FIBCD1: variants seen among roughly 807,000 people sequenced by gnomAD.
FIBCD1 encodes the protein fibrinogen C domain containing 1.
In FIBCD1, 47 loss-of-function variants were observed where a neutral mutation model predicts 45.1. That is an observed-to-expected ratio of 1.04 (90% CI 0.82 to 1.33). The LOEUF is 1.33. Among genes scored for constraint, FIBCD1 ranks in the 40% most tolerant of loss-of-function variants. The probability of loss-of-function intolerance (pLI) is 0.00; values close to 1 mark genes in which losing one functional copy is unlikely to be tolerated. For missense variants in FIBCD1, 653 were observed against 682.2 expected, an observed-to-expected ratio of 0.96 and a Z score of 0.48; for synonymous variants, 313 against 308.1, an observed-to-expected ratio of 1.02 and a Z score of -0.17.
At chr9:130,920,714 C>T (rs1344759198) in intron 4 of FIBCD1, among the ~76,000 whole-genome samples, 1 of 152,122 alleles carries the variant, frequency 6.6e-6, no homozygotes, top group South Asian at 2.1e-4. Context: ...GCCAGTAGCA[C>T]CAAGCCACCG....
intron 1 of FIBCD1, among the ~76,000 whole-genome samples, chr9:130,935,538 A>G (rs1307469033): frequency 1.3e-5 from 2 of 152,194 alleles, no homozygotes; most frequent in Non-Finnish European, 2.9e-5. Context: ...GCTGGGACAG[A>G]TGGGGCCCAA....
At chr9:130,923,067 T>C (rs10117902) in intron 4 of FIBCD1, among the ~76,000 whole-genome samples, 7,687 of 152,218 alleles carry the variant, frequency 0.05, 228 homozygotes, top group Middle Eastern at 0.078. Flanking sequence ...CAGTATACAG[T>C]AGGTGCTCAA....
intron 4 of FIBCD1, among the ~76,000 whole-genome samples, chr9:130,921,132 C>G (rs1481020788): frequency 6.6e-6 from 1 of 152,182 alleles, no homozygotes; most frequent in Admixed American, 6.5e-5. Context: ...TGCACCCTTG[C>G]CCACACAGGT....
chr9:130,920,369 C>T (rs2133098322), intron 4 of FIBCD1, among the ~76,000 whole-genome samples: 1 of 152,282 alleles, frequency 6.6e-6, no homozygotes, highest in Non-Finnish European at 1.5e-5. Context: ...CCCGCTCACT[C>T]CTCACAGATG....
intron 1 of FIBCD1, among the ~76,000 whole-genome samples, chr9:130,933,284 G>C (rs1282441936): frequency 6.6e-6 from 1 of 152,194 alleles, no homozygotes; most frequent in East Asian, 1.9e-4. Context: ...GGGGCTCTGG[G>C]CGCTGAGCAG....
chr9:130,909,773 G>A (rs75871108), intron 5 of FIBCD1, among the ~76,000 whole-genome samples: 5 of 144,070 alleles, frequency 3.5e-5, no homozygotes, highest in Admixed American at 7.0e-5. Flanking sequence ...AAAAAAAAAA[G>A]AAATGTTAAG....
intron 1 of FIBCD1, chr9:130,937,881 G>A (rs73656077): frequency 0.013 from 1,963 of 152,974 alleles, 44 homozygotes; most frequent in African/African-American, 0.044. Flanking sequence ...CAGGAAGGGA[G>A]GAATGAGTCA....
At chr9:130,930,114 G>A (rs1210055290) in intron 1 of FIBCD1, 68 bp from the exon 2 acceptor site, 1 of 1,455,600 alleles carries the variant, frequency 6.9e-7, no homozygotes, top group Admixed American at 2.7e-5. Context: ...CAGCATTAGA[G>A]GCATACCTGG....
chr9:130,908,259 T>C (rs1444847177), intron 5 of FIBCD1, among the ~76,000 whole-genome samples: 2 of 152,222 alleles, frequency 1.3e-5, no homozygotes, highest in Non-Finnish European at 2.9e-5. Flanking sequence ...GAGGAGGGAC[T>C]GGCGCTGTTG....
Position 130,930,031 on chromosome 9 carries a change from A to G in FIBCD1, c.88T>C (p.Tyr30His), listed in dbSNP as rs772638722. 3 of 1,505,788 alleles carry G rather than the reference A, an allele frequency of 2.0e-6. No individual in the cohort carries two copies. Among genetic ancestry groups the G allele is most frequent in the Non-Finnish European group, 2.7e-6 (3 of 1,129,044 alleles). 93.3% of individuals were successfully genotyped at this position (1,505,788 alleles called of 1,614,324 possible). ...GCCAGCAGCACGGTGCACAGCACGT[A>G]GCCGCAGCTCGGCCGCTGCAGGCCC... ...RDKPQRPSCGYVLCTVLLALA... is the reference protein window; with the variant it reads ...RDKPQRPSCGHVLCTVLLALA... The change falls in exon 2 of 7, where the codon TAC (tyrosine) becomes CAC (histidine). Residue 30 changes from tyrosine to histidine, a missense_variant. Physicochemically the swap from Tyr to His is moderately conservative, Grantham distance 83. Transcript: ENST00000372338.
At chr9:130,908,088 C>T (rs1301923143) in intron 5 of FIBCD1, among the ~76,000 whole-genome samples, 1 of 151,938 alleles carries the variant, frequency 6.6e-6, no homozygotes, top group East Asian at 1.9e-4. Flanking sequence ...TAACATGACC[C>T]CACAAAAGAA....
intron 5 of FIBCD1, among the ~76,000 whole-genome samples, chr9:130,910,408 C>A (rs371119880): frequency 1.1e-4 from 16 of 152,356 alleles, no homozygotes; most frequent in East Asian, 7.7e-4. Flanking sequence ...CCTCCCACCC[C>A]CTCCGTGGGC....
rs765524804 is a variant in FIBCD1 at position 130,904,202 on chromosome 9, C to T, written c.1248G>A (p.Thr416=). The stretch of plus-strand genomic sequence containing the variant: ...GCAGGTACTGCCCATTGAGGTTGGA[C>T]GTGTGGCAGTTGCGGTACCACCAGG... The part of the protein sequence containing the change: ...RGAWWYRNCH[T]SNLNGQYLRG... The change falls in exon 7 of 7, where the codon ACG becomes ACA. Residue 416 remains threonine (T), a synonymous_variant. Transcript: ENST00000372338. The T allele has an allele frequency of 1.9e-5, 30 of 1,613,656 alleles. No individual in the cohort carries two copies. The South Asian group carries it at 2.3e-4, about 12-fold the overall frequency.
chr9:130,924,212 G>A (rs773944127), intron 3 of FIBCD1, 25 bp downstream of exon 3: 2 of 1,544,060 alleles, frequency 1.3e-6, no homozygotes, highest in Admixed American at 2.0e-5. Context: ...AGGCACCGGA[G>A]GAAGGCAGGC....
At chr9:130,920,881 G>C (rs1046277225) in intron 4 of FIBCD1, among the ~76,000 whole-genome samples, 1 of 152,238 alleles carries the variant, frequency 6.6e-6, no homozygotes, top group Non-Finnish European at 1.5e-5. Flanking sequence ...CCGCTGAGCT[G>C]TCTCGTCGCT....
intron 1 of FIBCD1, among the ~76,000 whole-genome samples, chr9:130,937,205 C>G (rs1832531576): frequency 6.6e-6 from 1 of 152,076 alleles, no homozygotes; most frequent in South Asian, 2.1e-4. Context: ...CAGATCTCAG[C>G]AGGAGGGGAC....
chr9:130,935,663 A>G (rs548296682), intron 1 of FIBCD1, among the ~76,000 whole-genome samples: 131 of 152,318 alleles, frequency 8.6e-4, no homozygotes, highest in Non-Finnish European at 1.4e-3. Context: ...CAGCCTGGAC[A>G]CTGCAGTCCC....
Position 130,929,670 on chromosome 9 carries a change from C to T in FIBCD1, c.449G>A (p.Arg150Gln), listed in dbSNP as rs536135959. Residue 150 changes from arginine to glutamine, a missense_variant, in exon 2 of 7, where the codon CGA becomes CAA. Coordinates refer to ENST00000372338, the MANE Select transcript of FIBCD1 (RefSeq NM_032843.5). ...LADQLPRLLARASELQTECMG... is the reference protein window; with the variant it reads ...LADQLPRLLAQASELQTECMG... ...GCACTCCGTCTGCAGCTCTGAGGCTCGGGCCAGCAGCCGGGGCAGCTGGTC... is the reference window on the plus strand; with the variant it reads ...GCACTCCGTCTGCAGCTCTGAGGCTTGGGCCAGCAGCCGGGGCAGCTGGTC... The T allele has an allele frequency of 8.1e-6, 13 of 1,602,322 alleles. No homozygotes were observed. In the African/African-American group the frequency reaches 1.5e-4, roughly 18 times the overall value.
chr9:130,903,526 C>T lies in FIBCD1; in HGVS notation c.*538G>A, dbSNP rs988251422. Reference sequence around the variant, plus strand: ...ACCCAGCCCACAGCCAGGCTGAGGCCCTTGGGGGAGAGGTGGGTTCTCTGG... The same window carrying T: ...ACCCAGCCCACAGCCAGGCTGAGGCTCTTGGGGGAGAGGTGGGTTCTCTGG... On this transcript the variant is annotated 3_prime_UTR_variant, in exon 7 of 7. Coordinates refer to ENST00000372338, the MANE Select transcript of FIBCD1 (RefSeq NM_032843.5). 8 of 194,036 alleles carry T rather than the reference C, an allele frequency of 4.1e-5. No individual in the cohort carries two copies. The highest frequency in any genetic ancestry group is 1.9e-4 in the African/African-American group (8 of 42,822). 12.0% of individuals were successfully genotyped at this position (194,036 alleles called of 1,614,324 possible). A position where few individuals can be genotyped will look rare whatever the true frequency, so the allele number is the denominator to read the frequency against.
Sources: gnomAD v4.1 joint callset for allele counts (sites outside exome capture counted in the v4.1 genomes callset) on GRCh38, gnomAD v4.1.1 for gene constraint, MANE v1.5 for transcripts, NCBI Gene and HGNC (gene_info 2026-07-23, HGNC 2026-07-21) for gene names.